STK3: variants seen among roughly 807,000 people sequenced by gnomAD.
STK3 encodes the protein serine/threonine-protein kinase 3.
Under a neutral mutation model 58.0 loss-of-function variants are expected in STK3, and 41 were observed. The observed-to-expected ratio is 0.71, with a 90% confidence interval of 0.55 to 0.92. The LOEUF (loss-of-function observed/expected upper bound fraction) is 0.92. STK3 is among the 40% of genes least tolerant of loss of function. The pLI, the probability that STK3 is intolerant of heterozygous loss-of-function variation, is 0.00. For synonymous variants in STK3, 170 were observed against 191.0 expected (o/e 0.89, Z 0.91); for missense variants, 479 against 602.7 (o/e 0.79, Z 2.15).
At chr8:98,619,395 A>G (rs1818054676) in intron 6 of STK3, among the ~76,000 whole-genome samples, 1 of 151,124 alleles carries the variant, frequency 6.6e-6, no homozygotes, top group Non-Finnish European at 1.5e-5. Flanking sequence ...CATTCAGGAC[A>G]TAGGCGTGGG....
downstream of STK3, chr8:98,880,833 G>A (rs867560591): frequency 1.5e-4 from 23 of 152,308 alleles, no homozygotes; most frequent in Non-Finnish European, 2.8e-4. Context: ...AATACAAAAT[G>A]CTGATGAGGA....
intron 6 of STK3, among the ~76,000 whole-genome samples, chr8:98,661,834 C>T (rs1411338196): frequency 6.6e-6 from 1 of 151,962 alleles, no homozygotes; most frequent in Non-Finnish European, 1.5e-5. Flanking sequence ...CTTTGTCTAC[C>T]CCCATCTCTA....
intron 9 of STK3, among the ~76,000 whole-genome samples, chr8:98,537,587 T>A (rs1235863781): frequency 6.6e-6 from 1 of 152,176 alleles, no homozygotes; most frequent in South Asian, 2.1e-4. Context: ...CTATGGCAAA[T>A]ACTTTTTTTA....
At chr8:98,379,807 A>G (rs1396718885) in intron 1 of STK3, among the ~76,000 whole-genome samples, 1 of 152,260 alleles carries the variant, frequency 6.6e-6, no homozygotes, top group East Asian at 1.9e-4. Flanking sequence ...TATTTATCCA[A>G]AAGAATTGAA....
intron 1 of STK3, 41 bp downstream of exon 1, chr8:98,825,474 G>A (rs1160798530): frequency 1.7e-5 from 24 of 1,413,658 alleles, no homozygotes; most frequent in Admixed American, 8.1e-5. Flanking sequence ...CGCGGCCGCC[G>A]GCGCCGCTTC....
chr8:98,560,478 G>T (rs374240976), intron 8 of STK3, among the ~76,000 whole-genome samples: 9 of 151,762 alleles, frequency 5.9e-5, no homozygotes, highest in African/African-American at 2.2e-4. Flanking sequence ...ACCCACTTAG[G>T]TCTAACATAT....
At chr8:98,548,836 T>C (rs981706718) in intron 8 of STK3, among the ~76,000 whole-genome samples, 6 of 152,152 alleles carry the variant, frequency 3.9e-5, no homozygotes, top group Non-Finnish European at 8.8e-5. Context: ...ACTATTATAC[T>C]TATGAATTTG....
intron 6 of STK3, among the ~76,000 whole-genome samples, chr8:98,654,659 C>A (rs1587180099): frequency 6.6e-6 from 1 of 152,044 alleles, no homozygotes; most frequent in East Asian, 1.9e-4. Context: ...AATCAATGTG[C>A]AAAAATCACA....
chr8:98,609,940 C>G (rs980463051), intron 6 of STK3, among the ~76,000 whole-genome samples: 5 of 150,002 alleles, frequency 3.3e-5, no homozygotes, highest in Non-Finnish European at 7.4e-5. Context: ...GCACTCCAGC[C>G]TGGGTGACAC....
rs1463650109 is a variant in STK3, at chr8:98,632,234, A to G, written c.685-36065T>C. On this transcript the variant is annotated intron_variant, in intron 6 of 10. Transcript: ENST00000419617. The stretch of plus-strand genomic sequence containing the variant: ...AAAAATGTAGTCTTCTAAGAAAGAT[A>G]GAAGGCTTGACAGTAAATGATTAAC... Among the ~76,000 whole-genome samples the G allele has an allele frequency of 2.6e-5, 4 of 152,246 alleles. No individual in the cohort carries two copies. In the East Asian group the frequency reaches 7.7e-4, roughly 29 times the overall value.
intron 8 of STK3, among the ~76,000 whole-genome samples, chr8:98,563,462 G>C (rs1201555309): frequency 6.6e-6 from 1 of 152,002 alleles, no homozygotes; most frequent in African/African-American, 2.4e-5. Flanking sequence ...TATATACATA[G>C]GCTAGTATAC....
intron 8 of STK3, among the ~76,000 whole-genome samples, chr8:98,564,311 T>C (rs1812296019): frequency 6.6e-6 from 1 of 152,154 alleles, no homozygotes; most frequent in African/African-American, 2.4e-5. Context: ...CTGGCTTATA[T>C]CATTTAACGT....
At chr8:98,531,800 C>CT (rs1826188078) in intron 9 of STK3, among the ~76,000 whole-genome samples, 2 of 152,326 alleles carry the variant, frequency 1.3e-5, no homozygotes, top group Non-Finnish European at 2.9e-5. Flanking sequence ...TGCTGCTTCA[C>CT]TTTGTACTTG....
intron 2 of STK3, among the ~76,000 whole-genome samples, chr8:98,378,820 C>T (rs570656621): frequency 1.3e-5 from 2 of 152,306 alleles, no homozygotes; most frequent in East Asian, 1.9e-4. Context: ...ACACAACTCT[C>T]CACATGGCCC....
intron 1 of STK3, among the ~76,000 whole-genome samples, chr8:98,903,999 TTTTTC>T (rs1407996638): frequency 6.6e-6 from 1 of 152,166 alleles, no homozygotes; most frequent in African/African-American, 2.4e-5. Flanking sequence ...TTATGTCTTT[TTTTTC>T]TTAAGTGTTA....
At chr8:98,446,444 A>C (rs1452277002) in intron 1 of STK3, among the ~76,000 whole-genome samples, 1 of 152,192 alleles carries the variant, frequency 6.6e-6, no homozygotes, top group African/African-American at 2.4e-5. Context: ...GTAGTGTTTG[A>C]AGGGTTTTCT....
intron 4 of STK3, chr8:98,721,238 C>CT: frequency 2.4e-6 from 1 of 421,194 alleles, no homozygotes; most frequent in Non-Finnish European, 3.2e-6. Context: ...AGTTTCAAAT[C>CT]ACTAAGCAGG....
downstream of STK3, among the ~76,000 whole-genome samples, chr8:98,399,273 C>T (rs146718801): frequency 6.6e-6 from 1 of 152,320 alleles, no homozygotes; most frequent in East Asian, 1.9e-4. Flanking sequence ...ATTAGGAACA[C>T]ATAATCTCAT....
rs374739035 is a variant in STK3 at position 98,846,856 on chromosome 8, T to TACACACAC, written c.110+36783_110+36790dup. Reference sequence around the variant, plus strand: ...TTCATTCCTAAACTATTCAGGATCCTACACACACACACACACACACACACA... The same window carrying TACACACAC: ...TTCATTCCTAAACTATTCAGGATCCTACACACACACACACACACACACACACACACACA... On this transcript the variant is annotated intron_variant, in intron 3 of 12. Coordinates refer to the STK3 transcript ENST00000523601. Among the ~76,000 whole-genome samples the TACACACAC allele has an allele frequency of 3.5e-3, 497 of 143,410 alleles. 6 individuals are homozygous for TACACACAC. Among genetic ancestry groups the TACACACAC allele is most frequent in the African/African-American group, 0.012 (466 of 39,028 alleles). The allele number at this position is 143,410 out of a possible 152,430, so 94.1% of individuals were successfully genotyped here.
Sources: allele counts gnomAD v4.1 joint callset (sites outside exome capture counted in the v4.1 genomes callset), GRCh38; gene constraint gnomAD v4.1.1; transcripts MANE v1.5; gene names NCBI Gene and HGNC (gene_info 2026-07-23, HGNC 2026-07-21).